The following PLPPR1 variants were observed in gnomAD, a reference collection of about 807,000 sequenced individuals.
PLPPR1 encodes phospholipid phosphatase-related protein type 1.
In PLPPR1, 10 loss-of-function variants were observed where a neutral mutation model predicts 33.1. The ratio of observed to expected loss-of-function variants is 0.30; its 90% CI spans 0.19 to 0.51. The LOEUF (loss-of-function observed/expected upper bound fraction) is 0.51, where lower values mean the gene tolerates loss of function less well. PLPPR1 is among the 20% of genes least tolerant of loss of function. The pLI, the probability that PLPPR1 is intolerant of heterozygous loss-of-function variation, is 0.97. For missense variants in PLPPR1, 304 were observed against 408.1 expected (o/e 0.74, Z 2.20); for synonymous variants, 151 against 151.0 (o/e 1.00, Z 0.00).
At chr9:101,082,172 A>G (rs1390772669) in intron 1 of PLPPR1, among the ~76,000 whole-genome samples, 3 of 152,218 alleles carry the variant, frequency 2.0e-5, no homozygotes, top group South Asian at 2.1e-4. Context: ...AAACCACCAC[A>G]TGTAATCCAC....
At chr9:101,291,452 G>A (rs1265156733) in intron 4 of PLPPR1, among the ~76,000 whole-genome samples, 6 of 152,312 alleles carry the variant, frequency 3.9e-5, no homozygotes, top group South Asian at 2.1e-4. Flanking sequence ...CTCCCAGCAC[G>A]CAGCTGGAGA....
At chr9:101,123,061 G>C (rs768711654) in intron 1 of PLPPR1, among the ~76,000 whole-genome samples, 11 of 152,194 alleles carry the variant, frequency 7.2e-5, no homozygotes, top group Non-Finnish European at 1.6e-4. Flanking sequence ...CTGTTCTGAA[G>C]CTTCTCAAGG....
At chr9:101,178,654 A>T (rs887673766) in intron 1 of PLPPR1, among the ~76,000 whole-genome samples, 1 of 152,148 alleles carries the variant, frequency 6.6e-6, no homozygotes, top group African/African-American at 2.4e-5. Context: ...AGCTAGAATG[A>T]TAGAATGGTG....
At chr9:101,142,221 A>T (rs1179595220) in intron 1 of PLPPR1, among the ~76,000 whole-genome samples, 1 of 152,190 alleles carries the variant, frequency 6.6e-6, no homozygotes, top group African/African-American at 2.4e-5. Flanking sequence ...TAGAGCAGAG[A>T]TTCAAACTTT....
chr9:101,030,676 AAAG>A (rs1829934523), intron 1 of PLPPR1, among the ~76,000 whole-genome samples: 1 of 151,984 alleles, frequency 6.6e-6, no homozygotes, highest in Non-Finnish European at 1.5e-5. Context: ...GCTGATGCTG[AAAG>A]AAGTAAACTC....
At chr9:101,099,514 G>A (rs1024181681) in intron 1 of PLPPR1, among the ~76,000 whole-genome samples, 6 of 152,116 alleles carry the variant, frequency 3.9e-5, no homozygotes, top group Non-Finnish European at 8.8e-5. Flanking sequence ...ACCAACCTCA[G>A]ATTGAAAATA....
At chr9:101,135,665 G>C (rs954566267) in intron 1 of PLPPR1, among the ~76,000 whole-genome samples, 8 of 152,272 alleles carry the variant, frequency 5.3e-5, no homozygotes, top group Non-Finnish European at 8.8e-5. Flanking sequence ...TTGGTCATTA[G>C]AGTAGAAAGA....
intron 2 of PLPPR1, among the ~76,000 whole-genome samples, chr9:101,211,920 A>C (rs1826698848): frequency 6.6e-6 from 1 of 152,224 alleles, no homozygotes; most frequent in African/African-American, 2.4e-5. Context: ...TTTACATACA[A>C]GGAAACAAAT....
At chr9:101,243,428 G>A (rs1439525677) in intron 2 of PLPPR1, among the ~76,000 whole-genome samples, 1 of 151,906 alleles carries the variant, frequency 6.6e-6, no homozygotes, top group Non-Finnish European at 1.5e-5. Context: ...GATATGAAGA[G>A]GAACAGTTTT....
At chr9:101,134,540 G>C (rs1196771424) in intron 1 of PLPPR1, among the ~76,000 whole-genome samples, 2 of 151,802 alleles carry the variant, frequency 1.3e-5, no homozygotes, top group East Asian at 3.9e-4. Flanking sequence ...GCCCCACCAT[G>C]CCTGGCTAAA....
At chr9:101,172,190 T>C (rs887242417) in intron 1 of PLPPR1, among the ~76,000 whole-genome samples, 1 of 152,090 alleles carries the variant, frequency 6.6e-6, no homozygotes, top group Non-Finnish European at 1.5e-5. Flanking sequence ...ACCTGGGCCA[T>C]GGGTCGTGCT....
At chr9:101,125,091 G>C (rs1831227579) in intron 1 of PLPPR1, among the ~76,000 whole-genome samples, 1 of 152,132 alleles carries the variant, frequency 6.6e-6, no homozygotes, top group Non-Finnish European at 1.5e-5. Context: ...GCTAGTCTTT[G>C]CTAGTCTCTA....
chr9:101,114,818 G>A (rs929274669), intron 1 of PLPPR1, among the ~76,000 whole-genome samples: 4 of 152,324 alleles, frequency 2.6e-5, no homozygotes, highest in Admixed American at 6.5e-5. Flanking sequence ...AGGGGTTACT[G>A]TTTCTCCAGC....
At chr9:101,305,804 T>G (rs987641983) in intron 4 of PLPPR1, among the ~76,000 whole-genome samples, 5 of 152,008 alleles carry the variant, frequency 3.3e-5, no homozygotes, top group Non-Finnish European at 7.4e-5. Context: ...AGTGCTGGAG[T>G]CCTGTGCTGA....
chr9:101,299,669 A>G (rs1295543644), intron 4 of PLPPR1, among the ~76,000 whole-genome samples: 1 of 152,186 alleles, frequency 6.6e-6, no homozygotes, highest in Non-Finnish European at 1.5e-5. Context: ...CTGGACTCCA[A>G]TAAAGGACTG....
chr9:101,311,459 G>A (rs1239172791), intron 5 of PLPPR1, among the ~76,000 whole-genome samples: 1 of 152,084 alleles, frequency 6.6e-6, no homozygotes, highest in Non-Finnish European at 1.5e-5. Context: ...CTAACCATAG[G>A]CTCATGCTTT....
chr9:101,309,534 T>C, intron 5 of PLPPR1, 73 bp downstream of exon 5: 2 of 1,506,214 alleles, frequency 1.3e-6, no homozygotes, highest in Non-Finnish European at 1.8e-6. Context: ...CTGTCTCCAT[T>C]CTTTCATTGT....
intron 2 of PLPPR1, among the ~76,000 whole-genome samples, chr9:101,253,079 A>G (rs892469249): frequency 6.6e-6 from 1 of 152,104 alleles, no homozygotes; most frequent in Non-Finnish European, 1.5e-5. Flanking sequence ...CTCCTTTGAA[A>G]ACTATGAAAC....
chr9:101,256,148 T>C (rs1012096948), intron 2 of PLPPR1, among the ~76,000 whole-genome samples: 5 of 152,222 alleles, frequency 3.3e-5, no homozygotes, highest in Non-Finnish European at 7.3e-5. Context: ...GCAACTCTTG[T>C]ATTATTATCC....
Sources: gnomAD v4.1 joint callset for allele counts (sites outside exome capture counted in the v4.1 genomes callset) on GRCh38, gnomAD v4.1.1 for gene constraint, MANE v1.5 for transcripts, NCBI Gene and HGNC (gene_info 2026-07-23, HGNC 2026-07-21) for gene names.